The following KIF13B variants were observed in gnomAD, a reference collection of about 807,000 sequenced individuals.
KIF13B encodes the protein kinesin family member 13B.
A neutral mutation model predicts 222.0 loss-of-function variants in KIF13B; 127 were observed. The ratio of observed to expected loss-of-function variants is 0.57; its 90% CI spans 0.50 to 0.66. The LOEUF (loss-of-function observed/expected upper bound fraction) is 0.66, where lower values mean the gene tolerates loss of function less well. Ranked by LOEUF, KIF13B falls within the 30% of genes least tolerant of loss-of-function variation. The pLI is 0.00. For missense variants in KIF13B, 2,173 were observed against 2,379.0 expected, an observed-to-expected ratio of 0.91 and a Z score of 1.80; for synonymous variants, 976 against 919.0, an observed-to-expected ratio of 1.06 and a Z score of -1.12.
chr8:29,118,854 T>C lies in KIF13B; in HGVS notation c.3660+14A>G, dbSNP rs755261272. On this transcript the variant is annotated intron_variant, in intron 30 of 39. Transcript: ENST00000524189. The stretch of plus-strand genomic sequence containing the variant: ...CACTTTTCATCTGACCATCCCAAGT[T>C]AGGCTTTCCTTACCTCCCCATCATG... The C allele has an allele frequency of 2.4e-5, 38 of 1,613,032 alleles. No homozygotes were observed. The highest frequency in any genetic ancestry group is 3.1e-5 in the Non-Finnish European group (37 of 1,179,486).
chr8:29,162,214 G>C (rs1249101300), intron 12 of KIF13B, among the ~76,000 whole-genome samples: 1 of 152,156 alleles, frequency 6.6e-6, no homozygotes, highest in Admixed American at 6.5e-5. Context: ...GGAAAGGCAA[G>C]ACAAACTAAG....
At chr8:29,131,045 T>C (rs1020059342) in intron 23 of KIF13B, among the ~76,000 whole-genome samples, 2 of 152,198 alleles carry the variant, frequency 1.3e-5, no homozygotes, top group African/African-American at 4.8e-5. Context: ...TCGAGGCTAT[T>C]ATCCTAAGCA....
rs58488862 is a variant in KIF13B, at chr8:29,222,515, C to CTTTTTTT, written c.149+22824_149+22830dup. Among the ~76,000 whole-genome samples, 22 of 60,584 alleles carry CTTTTTTT rather than the reference C, an allele frequency of 3.6e-4. 4 individuals carry two copies. Among genetic ancestry groups the CTTTTTTT allele is most frequent in the East Asian group, 3.2e-3 (3 of 950 alleles). The allele number at this position is 60,584 out of a possible 152,430, so 39.7% of individuals were successfully genotyped here. On this transcript the variant is annotated intron_variant, in intron 2 of 39. Transcript: ENST00000524189. ...TCCTGAGCTCAAGTCCCACACCTGA[C>CTTTTTTT]TTTTTTTTTTTTTTTTTTTTTTTTT...
intron 18 of KIF13B, 88 bp from the exon 19 acceptor site, chr8:29,142,391 A>C: frequency 4.4e-6 from 5 of 1,144,890 alleles, no homozygotes; most frequent in Non-Finnish European, 6.2e-6. Context: ...GTCAAATGTC[A>C]TTACACCAAA....
At chr8:29,260,670 A>C (rs1791631814) in intron 1 of KIF13B, among the ~76,000 whole-genome samples, 1 of 151,488 alleles carries the variant, frequency 6.6e-6, no homozygotes, top group Admixed American at 6.6e-5. Context: ...AGGGTGGAGC[A>C]CAGTGGCACG....
At chr8:29,202,678 G>A (rs1231927551) in intron 2 of KIF13B, among the ~76,000 whole-genome samples, 5 of 152,136 alleles carry the variant, frequency 3.3e-5, no homozygotes, top group East Asian at 1.9e-4. Flanking sequence ...ATGTCTAAGC[G>A]GAGAGCAGAA....
chr8:29,173,466 G>GAAAA (rs57480607), intron 10 of KIF13B, among the ~76,000 whole-genome samples: 2 of 140,370 alleles, frequency 1.4e-5, no homozygotes, highest in African/African-American at 2.7e-5. Context: ...ACTAAAAATT[G>GAAAA]AAAAAAAAAA....
chr8:29,193,483 G>A (rs2130364125), intron 3 of KIF13B, among the ~76,000 whole-genome samples: 1 of 152,310 alleles, frequency 6.6e-6, no homozygotes, highest in South Asian at 2.1e-4. Context: ...TCCTGTTCTA[G>A]CTTTCCACGC....
chr8:29,125,035 G>A (rs1487441742), intron 26 of KIF13B, among the ~76,000 whole-genome samples: 1 of 152,178 alleles, frequency 6.6e-6, no homozygotes, highest in Non-Finnish European at 1.5e-5. Context: ...GGGTGGTAGA[G>A]CAAGACTCTG....
chr8:29,213,717 G>A (rs1814338961), intron 2 of KIF13B, among the ~76,000 whole-genome samples: 1 of 152,152 alleles, frequency 6.6e-6, no homozygotes, highest in Non-Finnish European at 1.5e-5. Flanking sequence ...GGGAGGCTGA[G>A]GCGGGTGGAT....
chr8:29,089,573 T>C (rs1808197222), intron 37 of KIF13B, among the ~76,000 whole-genome samples: 1 of 152,050 alleles, frequency 6.6e-6, no homozygotes, highest in Admixed American at 6.6e-5. Flanking sequence ...GATAAACATA[T>C]AAACCAAACA....
intron 7 of KIF13B, 58 bp downstream of exon 7, chr8:29,181,861 A>G: frequency 8.5e-7 from 1 of 1,174,862 alleles, no homozygotes; most frequent in Admixed American, 2.4e-5. Context: ...GCCAAGAAAA[A>G]AAAGAGCCCC....
chr8:29,207,690 C>CAA (rs548045732), intron 2 of KIF13B, among the ~76,000 whole-genome samples: 2 of 137,272 alleles, frequency 1.5e-5, no homozygotes, highest in African/African-American at 2.7e-5. Context: ...GAATCAAAAG[C>CAA]AAAAAAAAAA....
chr8:29,116,214 T>C (rs1490123430), intron 31 of KIF13B, among the ~76,000 whole-genome samples: 4 of 152,194 alleles, frequency 2.6e-5, no homozygotes, highest in African/African-American at 9.7e-5. Flanking sequence ...TATTCACCTT[T>C]TTATCCCAAA....
upstream of KIF13B, chr8:29,263,103 C>G: frequency 1.4e-6 from 2 of 1,464,260 alleles, no homozygotes; most frequent in Non-Finnish European, 9.2e-7. Flanking sequence ...CGGGGTTGAC[C>G]CGGCGGGAGG....
intron 2 of KIF13B, among the ~76,000 whole-genome samples, chr8:29,215,758 C>T (rs868137985): frequency 6.6e-6 from 1 of 151,998 alleles, no homozygotes; most frequent in Non-Finnish European, 1.5e-5. Context: ...AAGAAAGCAA[C>T]GGGAATCTTT....
Position 29,072,295 on chromosome 8 carries a change from C to T in KIF13B, c.4543G>A (p.Asp1515Asn). 1 of 1,435,630 alleles carries T rather than the reference C, an allele frequency of 7.0e-7. No homozygotes were observed. Among genetic ancestry groups the T allele is most frequent in the Non-Finnish European group, 9.1e-7 (1 of 1,093,156 alleles). 88.9% of individuals were successfully genotyped at this position (1,435,630 alleles called of 1,614,324 possible). The change falls in exon 39 of 40, where the codon GAC becomes AAC. Residue 1515 changes from aspartate to asparagine, a missense_variant. Physicochemically the swap from Asp to Asn is conservative, Grantham distance 23 (BLOSUM62 1). Transcript: ENST00000524189. ...MEEAQPEMGP[D>N]VLVQTMGAPA... is the part of the protein sequence containing the mutation. Reference sequence around the variant, plus strand: ...GCCCCCATCGTCTGCACCAGCACGTCAGGGCCCATCTCCGGCTGAGCCTGC... The same window carrying T: ...GCCCCCATCGTCTGCACCAGCACGTTAGGGCCCATCTCCGGCTGAGCCTGC...
At chr8:29,109,617 A>G (rs1586790204) in intron 33 of KIF13B, 106 bp from the exon 34 acceptor site, 7 of 919,070 alleles carry the variant, frequency 7.6e-6, no homozygotes, top group African/African-American at 4.8e-5. Context: ...AGACATTCCT[A>G]GCTATTTAAA....
At chr8:29,223,162 T>C (rs991681917) in intron 2 of KIF13B, among the ~76,000 whole-genome samples, 1 of 57,548 alleles carries the variant, frequency 1.7e-5, no homozygotes, top group South Asian at 5.0e-4. Flanking sequence ...TACAAAAAAA[T>C]ACAAAAAAAA....
Sources: gnomAD v4.1 joint callset for allele counts (sites outside exome capture counted in the v4.1 genomes callset) on GRCh38, gnomAD v4.1.1 for gene constraint, MANE v1.5 for transcripts, NCBI Gene and HGNC (gene_info 2026-07-23, HGNC 2026-07-21) for gene names.